The following ZNF519 variants were observed in gnomAD, a reference collection of about 807,000 sequenced individuals.
ZNF519 encodes similar to Zinc finger protein 85 (Zinc finger protein HPF4) (HTF1).
ZNF519 carries 7 observed loss-of-function variants against 7.4 expected under a neutral mutation model. The ratio of observed to expected loss-of-function variants is 0.94; its 90% CI spans 0.54 to 1.77. The LOEUF is 1.77. Ranked by LOEUF, ZNF519 falls within the 40% of genes most tolerant of loss-of-function variation. The pLI is 0.00. For missense variants in ZNF519, 586 were observed against 623.1 expected (o/e 0.94, Z 0.63); for synonymous variants, 179 against 203.3 (o/e 0.88, Z 1.02).
chr18:14,095,073 C>A (rs980230820), downstream of ZNF519, among the ~76,000 whole-genome samples: 3 of 152,092 alleles, frequency 2.0e-5, no homozygotes, highest in Admixed American at 2.0e-4. Flanking sequence ...GGTCATTGTT[C>A]CCTGAATGTT....
intron 2 of ZNF519, among the ~76,000 whole-genome samples, chr18:14,093,385 A>T (rs1486361798): frequency 6.6e-6 from 1 of 152,214 alleles, no homozygotes; most frequent in African/African-American, 2.4e-5. Flanking sequence ...CTACCAGAAT[A>T]GTATATTGTT....
At position 14,105,670 on chromosome 18, in the gene ZNF519, T is replaced by C. The variant is rs1409663155; in HGVS notation, c.870A>G (p.Lys290=). 3 of 1,613,510 alleles carry C rather than the reference T, an allele frequency of 1.9e-6. No individual in the cohort carries two copies. Among genetic ancestry groups the C allele is most frequent in the Non-Finnish European group, 1.7e-6 (2 of 1,179,930 alleles). The change falls in exon 3 of 3, where the codon AAA becomes AAG. Residue 290 remains lysine (K), a synonymous_variant. Transcript: ENST00000590202. ...TGTCACATTTTTTACATTTGTAAGG[T>C]TTCTCTCCAGTATGAATTTTCTGAT... ...LGHQKIHTGE[K]PYKCKKCDKA...
At chr18:14,126,888 C>T (rs1163572817) in intron 1 of ZNF519, among the ~76,000 whole-genome samples, 1 of 152,200 alleles carries the variant, frequency 6.6e-6, no homozygotes, top group African/African-American at 2.4e-5. Context: ...TTCACAGGTG[C>T]TGGTGAGAGC....
chr18:14,090,573 T>TGG (rs2046110361), intron 2 of ZNF519: 1 of 152,010 alleles, frequency 6.6e-6, no homozygotes, highest in African/African-American at 2.4e-5. Flanking sequence ...GGAGTGGGCC[T>TGG]GGGTCTTAAA....
chr18:14,110,700 G>A (rs999739147), intron 2 of ZNF519, among the ~76,000 whole-genome samples: 1 of 152,190 alleles, frequency 6.6e-6, no homozygotes, highest in Non-Finnish European at 1.5e-5. Context: ...TGTTGGCATG[G>A]TTGTGGTGAA....
chr18:14,087,767 G>A (rs750385099), intron 2 of ZNF519, among the ~76,000 whole-genome samples: 10 of 152,160 alleles, frequency 6.6e-5, no homozygotes, highest in Non-Finnish European at 1.0e-4. Context: ...AACATAAAAA[G>A]AGCATAGCTT....
intron 3 of ZNF519, chr18:14,082,658 T>C (rs564616868): frequency 6.6e-6 from 1 of 151,782 alleles, no homozygotes; most frequent in South Asian, 2.1e-4. Flanking sequence ...AAATTGATAG[T>C]ACCAGAATTT....
At chr18:14,121,039 G>A (rs1351601344) in intron 2 of ZNF519, among the ~76,000 whole-genome samples, 7 of 151,926 alleles carry the variant, frequency 4.6e-5, no homozygotes, top group Non-Finnish European at 7.4e-5. Context: ...TTACAACATG[G>A]ATACACCTGG....
intron 2 of ZNF519, among the ~76,000 whole-genome samples, chr18:14,115,574 T>A (rs908713219): frequency 6.6e-6 from 1 of 152,114 alleles, no homozygotes; most frequent in African/African-American, 2.4e-5. Context: ...ACAGAGCACA[T>A]CAATAATCCC....
chr18:14,105,992 C>A lies in ZNF519; in HGVS notation c.548G>T (p.Cys183Phe), dbSNP rs768891770. Reference sequence around the variant, plus strand: ...GTAAAATACTTTTTCACATTCATTACAATTGTAATAGTTTTCTAGAAAATG... The same window carrying A: ...GTAAAATACTTTTTCACATTCATTAAAATTGTAATAGTTTTCTAGAAAATG... ...STHFLENYYNCNECEKVFYQS... is the reference protein window; with the variant it reads ...STHFLENYYNFNECEKVFYQS... The change falls in exon 3 of 3, where the codon TGT (cysteine) becomes TTT (phenylalanine). Residue 183 changes from cysteine (C) to phenylalanine (F), a missense_variant. Cys to Phe is a radical substitution (Grantham distance 205). Transcript: ENST00000590202. 6.3e-7 allele frequency: 1 copy of A among 1,583,536 alleles called. No individual in the cohort carries two copies. The highest frequency in any genetic ancestry group is 2.2e-5 in the East Asian group (1 of 44,614).
chr18:14,130,817 G>T (rs2046325640), intron 1 of ZNF519, among the ~76,000 whole-genome samples: 1 of 150,020 alleles, frequency 6.7e-6, no homozygotes. Flanking sequence ...CAAGCAATGT[G>T]TTTCCATGGA....
At chr18:14,085,100 G>C (rs556836533) in intron 2 of ZNF519, 1 of 151,982 alleles carries the variant, frequency 6.6e-6, no homozygotes, top group African/African-American at 2.4e-5. Context: ...AAAAGAAACA[G>C]CTAAGTTTAT....
At chr18:14,115,262 T>TGTGGA (rs2046240639) in intron 2 of ZNF519, among the ~76,000 whole-genome samples, 1 of 152,216 alleles carries the variant, frequency 6.6e-6, no homozygotes, top group Non-Finnish European at 1.5e-5. Flanking sequence ...GAGAAAGAAG[T>TGTGGA]GTGGAGTATG....
chr18:14,111,407 G>A (rs1221329184), intron 2 of ZNF519, among the ~76,000 whole-genome samples: 1 of 150,924 alleles, frequency 6.6e-6, no homozygotes, highest in Non-Finnish European at 1.5e-5. Context: ...TTGGGAGGCT[G>A]AGGCAGGTAG....
At chr18:14,077,856 A>C (rs1665161435) in intron 4 of ZNF519, among the ~76,000 whole-genome samples, 1 of 152,178 alleles carries the variant, frequency 6.6e-6, no homozygotes, top group African/African-American at 2.4e-5. Flanking sequence ...TTTAATTATG[A>C]ATAAAGAAAT....
At chr18:14,127,895 C>A (rs1034761394) in intron 1 of ZNF519, among the ~76,000 whole-genome samples, 4 of 151,626 alleles carry the variant, frequency 2.6e-5, no homozygotes, top group Non-Finnish European at 5.9e-5. Context: ...AAAGAAAGTT[C>A]CCTCTAAAGT....
intron 1 of ZNF519, among the ~76,000 whole-genome samples, chr18:14,131,556 A>G (rs1316374756): frequency 6.6e-6 from 1 of 152,236 alleles, no homozygotes. Context: ...AAATAATTAC[A>G]TAGCAGTCAT....
chr18:14,088,944 T>C (rs2046102824), intron 2 of ZNF519, among the ~76,000 whole-genome samples: 2 of 151,490 alleles, frequency 1.3e-5, no homozygotes, highest in African/African-American at 4.9e-5. Context: ...ATATGTAAGA[T>C]ATGTTTTTGG....
intron 1 of ZNF519, among the ~76,000 whole-genome samples, chr18:14,130,338 G>A (rs114090181): frequency 0.012 from 1,848 of 152,148 alleles, 41 homozygotes; most frequent in African/African-American, 0.042. Context: ...ATCTGATTTT[G>A]CCACACTTCA....
Sources: allele counts gnomAD v4.1 joint callset (sites outside exome capture counted in the v4.1 genomes callset), GRCh38; gene constraint gnomAD v4.1.1; transcripts MANE v1.5; gene names NCBI Gene and HGNC (gene_info 2026-07-23, HGNC 2026-07-21).